The following RUFY2 variants were observed in gnomAD, a reference collection of about 807,000 sequenced individuals.
RUFY2 encodes the protein RUN and FYVE domain-containing protein 2.
Under a neutral mutation model 94.4 loss-of-function variants are expected in RUFY2, and 49 were observed. That is an observed-to-expected ratio of 0.52 (90% CI 0.41 to 0.66). The LOEUF is 0.66. Among genes scored for constraint, RUFY2 ranks in the 30% least tolerant of loss-of-function variants. The pLI, the probability that RUFY2 is intolerant of heterozygous loss-of-function variation, is 0.00. For missense variants in RUFY2, 541 were observed against 692.8 expected (o/e 0.78, Z 2.46); for synonymous variants, 255 against 235.7 (o/e 1.08, Z -0.75).
In RUFY2 at chr10:68,344,240, T is replaced by G. The variant is rs2046146447; in HGVS notation, c.*1528A>C. 6.6e-6 allele frequency: 1 copy of G among 152,152 alleles called. No individual in the cohort carries two copies. The highest frequency in any genetic ancestry group is 1.5e-5 in the Non-Finnish European group (1 of 68,036). 9.4% of individuals were successfully genotyped at this position (152,152 alleles called of 1,614,324 possible). ...CTTAGGCTATTCAGAAAAATTTAAA[T>G]TTCATGGAAGCATATATTCATGAAG... On this transcript the variant is annotated 3_prime_UTR_variant, in exon 18 of 18. Transcript: ENST00000602465.
intron 13 of RUFY2, among the ~76,000 whole-genome samples, chr10:68,376,508 G>T (rs2048689074): frequency 1.1e-5 from 1 of 93,094 alleles, no homozygotes; most frequent in Non-Finnish European, 2.2e-5. Context: ...AAAACAGCAT[G>T]TCCTTTAATA....
At chr10:68,365,821 G>C (rs1486990060) in intron 13 of RUFY2, among the ~76,000 whole-genome samples, 1 of 152,028 alleles carries the variant, frequency 6.6e-6, no homozygotes, top group African/African-American at 2.4e-5. Context: ...ATTAAGTGAG[G>C]ACTTACTGTG....
Position 68,370,448 on chromosome 10 carries a change from C to CTTT in RUFY2, c.1326-6338_1326-6336dup, listed in dbSNP as rs949829713. 1.6e-3 allele frequency among the ~76,000 whole-genome samples: 198 copies of CTTT among 126,148 alleles called. 2 individuals are homozygous for CTTT. The South Asian group carries it at 0.02, about 13-fold the overall frequency. The allele number at this position is 126,148 out of a possible 152,430, so 82.8% of individuals were successfully genotyped here. ...AGCAGTAACAAGGCATTTCTTTTTT[C>CTTT]TTTTTTTTTTTTTTTTTTTGAGACA... is the stretch of plus-strand genomic sequence containing the variant. On this transcript the variant is annotated intron_variant, in intron 13 of 17. Coordinates refer to ENST00000602465, the MANE Select transcript of RUFY2 (RefSeq NM_001330103.2).
chr10:68,342,374 TGTG>T (rs2046018901), downstream of RUFY2: 1 of 215,386 alleles, frequency 4.6e-6, no homozygotes, highest in African/African-American at 2.3e-5. Context: ...CAAGAAGTAG[TGTG>T]GTGTAATTTT....
rs781074140 is a variant in RUFY2, at chr10:68,404,807, C to T, written c.42G>A (p.Leu14=). 5.6e-6 allele frequency: 9 copies of T among 1,611,844 alleles called. No individual in the cohort carries two copies. The highest frequency in any genetic ancestry group is 4.0e-5 in the African/African-American group (3 of 74,810). Residue 14 remains leucine (L), a synonymous_variant, in exon 2 of 18, where the codon TTG becomes TTA. Transcript: ENST00000602465. The part of the protein sequence containing the change: ...KDPTAVERAN[L]LNMAKLSIKG... The stretch of plus-strand genomic sequence containing the variant: ...TGATACTCAGTTTAGCCATGTTTAA[C>T]AAGTTTGCTCTCTCTACAGCTGTGG...
intron 16 of RUFY2, among the ~76,000 whole-genome samples, chr10:68,350,601 A>G (rs924197414): frequency 1.3e-5 from 2 of 152,242 alleles, no homozygotes; most frequent in African/African-American, 2.4e-5. Flanking sequence ...CACAAAATAC[A>G]GGAGAGATGC....
chr10:68,407,196 G>T lies in RUFY2; in HGVS notation c.-7C>A. The T allele has an allele frequency of 2.1e-6, 3 of 1,420,906 alleles. No homozygotes were observed. In the South Asian group the frequency reaches 4.5e-5, roughly 21 times the overall value. 88.0% of individuals were successfully genotyped at this position (1,420,906 alleles called of 1,614,324 possible). A position where few individuals can be genotyped will look rare whatever the true frequency, so the allele number is the denominator to read the frequency against. ...GCCCGCTCGCCTTACCCATGGCGGC[G>T]GCGGCTGCGCGGTCTCGGGCGGAGG... On this transcript the variant is annotated 5_prime_UTR_variant, in exon 1 of 18. Transcript: ENST00000602465.
chr10:68,355,756 T>C, intron 15 of RUFY2: 1 of 160,060 alleles, frequency 6.2e-6, no homozygotes, highest in Non-Finnish European at 1.4e-5. Flanking sequence ...CTACTAAAAA[T>C]ACAAAAAATT....
At chr10:68,395,292 C>T (rs565856878) in intron 4 of RUFY2, among the ~76,000 whole-genome samples, 1 of 151,360 alleles carries the variant, frequency 6.6e-6, no homozygotes, top group East Asian at 1.9e-4. Flanking sequence ...GAGCCAAGAT[C>T]GCACCACTGC....
At position 68,406,726 on chromosome 10, in the gene RUFY2, C is replaced by G. The variant is rs750542416; in HGVS notation, c.4+460G>C. 3.8e-6 allele frequency: 6 copies of G among 1,572,420 alleles called. No individual in the cohort carries two copies. In the East Asian group the frequency reaches 9.3e-5, roughly 24 times the overall value. On this transcript the variant is annotated intron_variant, in intron 1 of 17. Transcript: ENST00000602465. ...GCAAGGCTGCCCAGAGGCCTGGGGG[C>G]CCCCCAGGACCATCGCGGCGGGCTC...
At chr10:68,397,385 A>G (rs1186743111) in intron 3 of RUFY2, among the ~76,000 whole-genome samples, 1 of 152,152 alleles carries the variant, frequency 6.6e-6, no homozygotes, top group Non-Finnish European at 1.5e-5. Context: ...TGGAACCACC[A>G]TCATTTAATG....
chr10:68,374,614 G>C (rs1366457437), intron 13 of RUFY2, among the ~76,000 whole-genome samples: 1 of 152,102 alleles, frequency 6.6e-6, no homozygotes, highest in Non-Finnish European at 1.5e-5. Context: ...AAAACTACTA[G>C]ACAGAAAATC....
rs1014966051 is a variant in RUFY2, at chr10:68,343,950, A to C, written c.*1818T>G. ...TTGGAATTTAAGCAACTTAAGTCAC[A>C]TTTTAAAATTTGTTCTAAGCACAGT... On this transcript the variant is annotated 3_prime_UTR_variant, in exon 18 of 18. Transcript: ENST00000602465. 2.6e-5 allele frequency: 4 copies of C among 152,160 alleles called. No individual in the cohort carries two copies. The highest frequency in any genetic ancestry group is 9.7e-5 in the African/African-American group (4 of 41,450). 9.4% of individuals were successfully genotyped at this position (152,160 alleles called of 1,614,324 possible).
intron 3 of RUFY2, among the ~76,000 whole-genome samples, chr10:68,401,127 AC>A (rs2050813040): frequency 1.3e-5 from 2 of 152,368 alleles, no homozygotes; most frequent in Admixed American, 1.3e-4. Context: ...CATTTTACAT[AC>A]ATTTGTCTGA....
intron 2 of RUFY2, among the ~76,000 whole-genome samples, chr10:68,403,445 T>C (rs543631704): frequency 6.6e-6 from 1 of 152,140 alleles, no homozygotes; most frequent in South Asian, 2.1e-4. Flanking sequence ...GAGATGGGTT[T>C]TCACCATGCT....
At chr10:68,341,456 C>CGCT, downstream of RUFY2, 1 of 996,940 alleles carries the variant, frequency 1.0e-6, no homozygotes, top group African/African-American at 1.6e-5. Context: ...CTTTATATAT[C>CGCT]GCTGTACTAG....
intron 16 of RUFY2, among the ~76,000 whole-genome samples, chr10:68,347,079 T>G (rs2046327816): frequency 6.6e-6 from 1 of 151,908 alleles, no homozygotes; most frequent in Non-Finnish European, 1.5e-5. Context: ...TGACTCAGGC[T>G]TGAGTGCCAC....
In RUFY2 at chr10:68,359,578, T is replaced by C. The variant is rs1277342993; in HGVS notation, c.1550+4012A>G. On this transcript the variant is annotated intron_variant, in intron 15 of 17. Transcript: ENST00000602465. ...AAAAATATATATAGTAGTACTACTA[T>C]ATATAAATATACATAGTAGTAGTGC... 2.0e-5 allele frequency among the ~76,000 whole-genome samples: 3 copies of C among 146,800 alleles called. No homozygotes were observed. The East Asian group carries it at 5.9e-4, about 29-fold the overall frequency.
At position 68,345,273 on chromosome 10, in the gene RUFY2, A is replaced by T; in HGVS notation, c.*495T>A. On this transcript the variant is annotated 3_prime_UTR_variant, in exon 18 of 18. Transcript: ENST00000602465. ...TGGCCCTGTCTAATGCAAGAGGCAA[A>T]GGGAGAGGGGGAGAAGAAAGGGCAA... The T allele has an allele frequency of 4.9e-6, 1 of 202,880 alleles. No individual in the cohort carries two copies. The highest frequency in any genetic ancestry group is 9.8e-6 in the Non-Finnish European group (1 of 102,008). The allele number at this position is 202,880 out of a possible 1,614,324, so 12.6% of individuals were successfully genotyped here.
Sources: gnomAD v4.1 joint callset for allele counts (sites outside exome capture counted in the v4.1 genomes callset) on GRCh38, gnomAD v4.1.1 for gene constraint, MANE v1.5 for transcripts, NCBI Gene and HGNC (gene_info 2026-07-23, HGNC 2026-07-21) for gene names.